The following MKRN1 variants were observed in gnomAD, a reference collection of about 807,000 sequenced individuals.
MKRN1 encodes makorin ring finger protein 1, also known as E3 ubiquitin-protein ligase makorin-1.
A neutral mutation model predicts 55.5 loss-of-function variants in MKRN1; 9 were observed. The observed-to-expected ratio is 0.16, with a 90% CI of 0.10 to 0.28. The LOEUF is 0.28. Among genes scored for constraint, MKRN1 ranks in the 10% least tolerant of loss-of-function variants. The pLI, the probability that MKRN1 is intolerant of heterozygous loss-of-function variation, is 1.00. For missense variants in MKRN1, 488 were observed against 626.7 expected (o/e 0.78, Z 2.36); for synonymous variants, 253 against 235.9 (o/e 1.07, Z -0.66).
intron 4 of MKRN1, among the ~76,000 whole-genome samples, chr7:140,457,294 T>C (rs1479171141): frequency 6.6e-6 from 1 of 152,160 alleles, no homozygotes; most frequent in African/African-American, 2.4e-5. Flanking sequence ...AACAACTTCA[T>C]CGAGATTTTT....
intron 1 of MKRN1, chr7:140,474,440 G>T: frequency 5.5e-6 from 2 of 362,816 alleles, no homozygotes; most frequent in Non-Finnish European, 1.1e-5. Context: ...AGTGGGTTGG[G>T]GGGGGCCCAG....
At chr7:140,474,043 A>C (rs917494810) in intron 1 of MKRN1, among the ~76,000 whole-genome samples, 1 of 145,684 alleles carries the variant, frequency 6.9e-6, no homozygotes, top group Non-Finnish European at 1.5e-5. Context: ...GAAAGAAAGA[A>C]AGAAAGAAAG....
intron 2 of MKRN1, among the ~76,000 whole-genome samples, chr7:140,467,533 C>T (rs957406091): frequency 1.9e-4 from 29 of 152,170 alleles, no homozygotes; most frequent in African/African-American, 7.0e-4. Flanking sequence ...CCACCTCAGC[C>T]TCCCAAAAGC....
At chr7:140,465,426 T>C (rs1173848228) in intron 2 of MKRN1, among the ~76,000 whole-genome samples, 1 of 151,574 alleles carries the variant, frequency 6.6e-6, no homozygotes, top group African/African-American at 2.4e-5. Flanking sequence ...GGTTGTGACA[T>C]TGCACCACTG....
Position 140,456,662 on chromosome 7 carries a change from T to C in MKRN1, c.976A>G (p.Lys326Glu), listed in dbSNP as rs1794474011. 2 of 1,614,050 alleles carry C rather than the reference T, an allele frequency of 1.2e-6. No individual in the cohort carries two copies. The highest frequency in any genetic ancestry group is 2.7e-5 in the African/African-American group (2 of 74,936). Residue 326 changes from lysine (K) to glutamate (E), a missense_variant, in exon 5 of 8, where the codon AAG becomes GAG. This residue lies in a region of MKRN1 where 278 missense variants were observed against 406.7 expected (regional missense o/e 0.68). Transcript: ENST00000255977. ...GGGGAGGAGTCTCACTTTATGATCT[T>C]GCTCTCAAATTGCTTAGCACTCCTC... The part of the protein sequence containing the change: ...KWRSAKQFES[K>E]IIKSCPECRI...
intron 2 of MKRN1, among the ~76,000 whole-genome samples, chr7:140,464,760 A>C (rs983843677): frequency 6.6e-6 from 1 of 152,136 alleles, no homozygotes; most frequent in Non-Finnish European, 1.5e-5. Flanking sequence ...ATTTCCAAAA[A>C]AAAAAAAATT....
intron 1 of MKRN1, among the ~76,000 whole-genome samples, chr7:140,477,144 G>C (rs1251820908): frequency 6.8e-6 from 1 of 148,088 alleles, no homozygotes; most frequent in Non-Finnish European, 1.5e-5. Context: ...TCTATCTAAA[G>C]GAGAAAATAG....
chr7:140,475,099 C>T (rs111559619), intron 1 of MKRN1: 11,736 of 289,928 alleles, frequency 0.04, 343 homozygotes, highest in Middle Eastern at 0.058. Flanking sequence ...CCCAGGACTT[C>T]GGGAGGCCAA....
At chr7:140,455,720 A>G in intron 6 of MKRN1, 70 bp downstream of exon 6, 1 of 1,251,932 alleles carries the variant, frequency 8.0e-7, no homozygotes, top group Non-Finnish European at 1.2e-6. Context: ...ATAATGCAGC[A>G]CCATTCTTTT....
chr7:140,460,157 G>A (rs1365707993), intron 2 of MKRN1: 1 of 475,998 alleles, frequency 2.1e-6, no homozygotes, highest in East Asian at 4.2e-5. Context: ...TGAGGTAGGA[G>A]AATCACTTGA....
At chr7:140,461,122 C>T (rs1206159128) in intron 2 of MKRN1, among the ~76,000 whole-genome samples, 3 of 152,234 alleles carry the variant, frequency 2.0e-5, no homozygotes, top group African/African-American at 4.8e-5. Context: ...AATAAGCAGA[C>T]ATGTGGAACA....
At chr7:140,455,925 A>G in intron 5 of MKRN1, 25 bp from the exon 6 acceptor site, 1 of 1,579,402 alleles carries the variant, frequency 6.3e-7, no homozygotes, top group South Asian at 1.1e-5. Flanking sequence ...ACAGGCTGCA[A>G]TGCAAATTCC....
chr7:140,455,987 CT>C (rs1794455450), intron 5 of MKRN1, 87 bp from the exon 6 acceptor site: 1 of 1,222,620 alleles, frequency 8.2e-7, no homozygotes, highest in African/African-American at 1.5e-5. Flanking sequence ...CGCCTCCAGA[CT>C]TAAAGACTTA....
At chr7:140,472,086 T>C in intron 1 of MKRN1, 75 bp from the exon 2 acceptor site, 1 of 1,576,210 alleles carries the variant, frequency 6.3e-7, no homozygotes, top group African/African-American at 1.4e-5. Flanking sequence ...TATTCATGAC[T>C]AATATATTCA....
At position 140,459,224 on chromosome 7, in the gene MKRN1, G is replaced by A; in HGVS notation, c.554C>T (p.Ser185Phe). 1 of 1,613,928 alleles carries A rather than the reference G, an allele frequency of 6.2e-7. No individual in the cohort carries two copies. The change falls in exon 4 of 8, where the codon TCC (serine) becomes TTC (phenylalanine). Residue 185 changes from serine (S) to phenylalanine (F), a missense_variant. This residue lies in a region of MKRN1 where 278 missense variants were observed against 406.7 expected (regional missense o/e 0.68). Coordinates refer to ENST00000255977, the MANE Select transcript of MKRN1 (RefSeq NM_013446.4). Reference protein sequence around the residue: ...GQPYCGRTAPSCTEAPLQGSV... With the variant: ...GQPYCGRTAPFCTEAPLQGSV... ...GCCCTGCAGGGGTGCTTCAGTGCAG[G>A]AAGGCGCAGCTGAAAATGTGTAAGA...
intron 5 of MKRN1, 51 bp from the exon 6 acceptor site, chr7:140,455,951 C>G (rs1274480805): frequency 2.0e-6 from 3 of 1,475,962 alleles, no homozygotes; most frequent in Non-Finnish European, 2.8e-6. Flanking sequence ...TACAGGCCCA[C>G]TCTTCAAGGA....
chr7:140,473,172 T>C (rs1794985479), intron 1 of MKRN1: 1 of 393,616 alleles, frequency 2.5e-6, no homozygotes, highest in Non-Finnish European at 4.8e-6. Flanking sequence ...CAAAAACCAA[T>C]GAATATAAGT....
chr7:140,472,297 G>A, intron 1 of MKRN1: 1 of 350,396 alleles, frequency 2.9e-6, no homozygotes, highest in Non-Finnish European at 5.4e-6. Context: ...TGGCTGGTGT[G>A]GTGGCACACA....
At chr7:140,470,496 A>G (rs549786776) in intron 2 of MKRN1, among the ~76,000 whole-genome samples, 2 of 151,948 alleles carry the variant, frequency 1.3e-5, no homozygotes, top group East Asian at 3.9e-4. Context: ...GAGGCAGGAG[A>G]ATCGCTTGAA....
Sources: gnomAD v4.1 joint callset for allele counts (sites outside exome capture counted in the v4.1 genomes callset) on GRCh38, gnomAD v4.1.1 for gene constraint, gnomAD v4.1.1 regional missense constraint, MANE v1.5 for transcripts, NCBI Gene and HGNC (gene_info 2026-07-23, HGNC 2026-07-21) for gene names.